The following NKAIN3 variants were observed in gnomAD, a reference collection of about 807,000 sequenced individuals.
The protein encoded by NKAIN3 is sodium/potassium transporting ATPase interacting 3, also known as sodium/potassium-transporting ATPase subunit beta-1-interacting protein 3.
Under a neutral mutation model 30.2 loss-of-function variants are expected in NKAIN3, and 25 were observed. The ratio of observed to expected loss-of-function variants is 0.83; its 90% CI spans 0.60 to 1.16. NKAIN3 has a LOEUF of 1.16. Ranked by LOEUF, NKAIN3 falls within the 50% of genes most tolerant of loss-of-function variation. The pLI is 0.00. For synonymous variants in NKAIN3, 91 were observed against 89.6 expected (o/e 1.02, Z -0.09); for missense variants, 225 against 254.1 (o/e 0.89, Z 0.78).
At chr8:62,376,865 C>G (rs1318046679) in intron 1 of NKAIN3, among the ~76,000 whole-genome samples, 18 of 152,040 alleles carry the variant, frequency 1.2e-4, no homozygotes, top group Admixed American at 1.2e-3. Flanking sequence ...ATCGTATTCT[C>G]TTATCTAGAA....
chr8:62,400,954 A>T (rs1803841966), intron 1 of NKAIN3, among the ~76,000 whole-genome samples: 2 of 151,568 alleles, frequency 1.3e-5, no homozygotes, highest in Admixed American at 6.6e-5. Flanking sequence ...GGATATTGAT[A>T]TCTTTCTCTA....
At chr8:62,318,887 G>T (rs1814764385) in intron 1 of NKAIN3, among the ~76,000 whole-genome samples, 1 of 152,050 alleles carries the variant, frequency 6.6e-6, no homozygotes, top group African/African-American at 2.4e-5. Flanking sequence ...TCTATTGATT[G>T]GAATAGTTTC....
At chr8:62,480,160 C>T (rs546109329) in intron 1 of NKAIN3, among the ~76,000 whole-genome samples, 4 of 152,148 alleles carry the variant, frequency 2.6e-5, no homozygotes, top group Admixed American at 2.6e-4. Flanking sequence ...TCCCCCTTTC[C>T]CCATCTCCCA....
At chr8:62,642,477 T>C (rs1357451267) in intron 3 of NKAIN3, among the ~76,000 whole-genome samples, 1 of 152,148 alleles carries the variant, frequency 6.6e-6, no homozygotes, top group African/African-American at 2.4e-5. Flanking sequence ...TGCTGACCTC[T>C]GACTGCCAGG....
At chr8:62,795,915 G>A (rs1019911273) in intron 4 of NKAIN3, among the ~76,000 whole-genome samples, 1 of 152,056 alleles carries the variant, frequency 6.6e-6, no homozygotes, top group African/African-American at 2.4e-5. Context: ...CCCTAACTCT[G>A]CAATTTGTGA....
intron 4 of NKAIN3, among the ~76,000 whole-genome samples, chr8:62,916,612 G>T (rs529572784): frequency 1.3e-5 from 2 of 152,176 alleles, no homozygotes; most frequent in South Asian, 4.2e-4. Context: ...GCTCCTCAGA[G>T]ATATTAAATA....
At chr8:62,902,804 A>G (rs986234190) in intron 4 of NKAIN3, among the ~76,000 whole-genome samples, 1 of 152,234 alleles carries the variant, frequency 6.6e-6, no homozygotes, top group East Asian at 1.9e-4. Context: ...GAATTTGGCA[A>G]TGTACACTTA....
At chr8:62,680,995 CT>C (rs1337505443) in intron 3 of NKAIN3, among the ~76,000 whole-genome samples, 1 of 152,148 alleles carries the variant, frequency 6.6e-6, no homozygotes, top group Non-Finnish European at 1.5e-5. Context: ...TGAACATAAA[CT>C]TTTGTAATAT....
At chr8:62,493,004 G>T (rs1402151117) in intron 1 of NKAIN3, among the ~76,000 whole-genome samples, 1 of 152,016 alleles carries the variant, frequency 6.6e-6, no homozygotes, top group Non-Finnish European at 1.5e-5. Context: ...GTCTGTGATG[G>T]TTTCTTAAGT....
At chr8:62,625,596 G>T (rs1479209735) in intron 3 of NKAIN3, among the ~76,000 whole-genome samples, 2 of 152,084 alleles carry the variant, frequency 1.3e-5, no homozygotes, top group Non-Finnish European at 2.9e-5. Context: ...GACAATAATA[G>T]TCCCTGCCTC....
intron 4 of NKAIN3, among the ~76,000 whole-genome samples, chr8:62,882,340 A>G (rs888536141): frequency 4.6e-5 from 7 of 151,902 alleles, no homozygotes; most frequent in African/African-American, 1.7e-4. Context: ...GTTTTTTGAG[A>G]CGGAAGCTCG....
intron 4 of NKAIN3, among the ~76,000 whole-genome samples, chr8:62,764,049 G>T (rs557442801): frequency 6.6e-6 from 1 of 152,336 alleles, no homozygotes; most frequent in Admixed American, 6.5e-5. Flanking sequence ...CTTAGGTTTG[G>T]AATGTTTCCA....
chr8:62,766,274 C>G (rs1472969346), intron 4 of NKAIN3, among the ~76,000 whole-genome samples: 1 of 152,114 alleles, frequency 6.6e-6, no homozygotes, highest in African/African-American at 2.4e-5. Flanking sequence ...ATTTGATGTT[C>G]CTAGCAATGT....
At chr8:62,875,419 C>G (rs1246500237) in intron 4 of NKAIN3, among the ~76,000 whole-genome samples, 1 of 152,078 alleles carries the variant, frequency 6.6e-6, no homozygotes, top group Non-Finnish European at 1.5e-5. Flanking sequence ...TCTATAGATT[C>G]AATGCCATTC....
intron 1 of NKAIN3, among the ~76,000 whole-genome samples, chr8:62,399,868 T>G (rs1817880496): frequency 6.6e-6 from 1 of 152,128 alleles, no homozygotes; most frequent in African/African-American, 2.4e-5. Flanking sequence ...GGAGGAAACA[T>G]GAATTGTCTC....
intron 3 of NKAIN3, among the ~76,000 whole-genome samples, chr8:62,622,871 C>G (rs1482713153): frequency 1.3e-5 from 2 of 151,908 alleles, no homozygotes; most frequent in African/African-American, 4.8e-5. Flanking sequence ...TTTTCTCCTA[C>G]TTTTTTCTAA....
intron 1 of NKAIN3, among the ~76,000 whole-genome samples, chr8:62,356,002 T>C (rs976625936): frequency 1.3e-5 from 2 of 152,200 alleles, no homozygotes; most frequent in African/African-American, 4.8e-5. Context: ...TTGTGAATAG[T>C]AACTTCCAAC....
chr8:62,961,956 A>G (rs576879779), intron 6 of NKAIN3, among the ~76,000 whole-genome samples: 3 of 152,344 alleles, frequency 2.0e-5, no homozygotes, highest in African/African-American at 7.2e-5. Flanking sequence ...ATTCTCAAAT[A>G]CTGGGGCAAG....
chr8:62,268,005 C>T (rs1342333769), intron 1 of NKAIN3, among the ~76,000 whole-genome samples: 4 of 152,118 alleles, frequency 2.6e-5, no homozygotes, highest in African/African-American at 9.7e-5. Flanking sequence ...AATTTCTTAA[C>T]TACAGGGTGT....
Sources: gnomAD v4.1 joint callset for allele counts (sites outside exome capture counted in the v4.1 genomes callset) on GRCh38, gnomAD v4.1.1 for gene constraint, MANE v1.5 for transcripts, NCBI Gene and HGNC (gene_info 2026-07-23, HGNC 2026-07-21) for gene names.